PRKCQ: variants seen among roughly 807,000 people sequenced by gnomAD.
The protein encoded by PRKCQ is protein kinase C theta, also known as protein kinase C theta type.
Under a neutral mutation model 91.2 loss-of-function variants are expected in PRKCQ, and 41 were observed. That is an observed-to-expected ratio of 0.45 (90% CI 0.35 to 0.58). The LOEUF (loss-of-function observed/expected upper bound fraction) is 0.58, where lower values mean the gene tolerates loss of function less well. Among genes scored for constraint, PRKCQ ranks in the 20% least tolerant of loss-of-function variants. The pLI is 0.00. For synonymous variants in PRKCQ, 307 were observed against 316.9 expected, an observed-to-expected ratio of 0.97 and a Z score of 0.33; for missense variants, 673 against 896.5, an observed-to-expected ratio of 0.75 and a Z score of 3.18.
At chr10:6,407,519 GTCATGTGTATGGTGTGT>G in the PRKCQ span, among the ~76,000 whole-genome samples, 2 of 151,494 alleles carry the variant, frequency 1.3e-5, no homozygotes, top group Admixed American at 1.3e-4. This position sits in a 1 kb window ranked among gnomAD's most constrained non-coding sequence, Gnocchi z 4.0. Flanking sequence ...TGGTGTTTGT[GTCATGTGTATGGTGTGT>G]TCATGTGTGT....
At chr10:6,574,564 C>T (rs936463556) in intron 1 of PRKCQ, among the ~76,000 whole-genome samples, 5 of 152,194 alleles carry the variant, frequency 3.3e-5, no homozygotes, top group Non-Finnish European at 4.4e-5. Flanking sequence ...TCCTCCAGCT[C>T]CACCCAGCAA....
chr10:6,462,685 C>T (rs944956189), intron 13 of PRKCQ, among the ~76,000 whole-genome samples: 2 of 151,876 alleles, frequency 1.3e-5, no homozygotes, highest in African/African-American at 4.8e-5. Context: ...TTTGCTATTG[C>T]TAATAAAACA....
At chr10:6,456,550 T>A in intron 15 of PRKCQ, 124 bp downstream of exon 15, 21 of 1,319,288 alleles carry the variant, frequency 1.6e-5, no homozygotes, top group Non-Finnish European at 2.1e-5. Context: ...ATGAGATACT[T>A]AAGAAAACAG....
At chr10:6,495,295 G>A (rs1436511752) in intron 7 of PRKCQ, among the ~76,000 whole-genome samples, 1 of 152,142 alleles carries the variant, frequency 6.6e-6, no homozygotes, top group East Asian at 1.9e-4. Context: ...CATGACCCAG[G>A]CCTTGGTGCC....
intron 1 of PRKCQ, among the ~76,000 whole-genome samples, chr10:6,535,036 T>C (rs373544744): frequency 1.3e-5 from 2 of 152,162 alleles, no homozygotes; most frequent in Non-Finnish European, 2.9e-5. Context: ...GTTCCCATTA[T>C]AAAGAAGGGA....
intron 1 of PRKCQ, among the ~76,000 whole-genome samples, chr10:6,527,461 C>T (rs1313920884): frequency 1.1e-4 from 16 of 152,318 alleles, no homozygotes; most frequent in Admixed American, 9.1e-4. Context: ...TTTTCCCTCC[C>T]TGTGTTTTCA....
intron 1 of PRKCQ, among the ~76,000 whole-genome samples, chr10:6,537,885 C>T (rs545885093): frequency 5.1e-4 from 77 of 152,346 alleles, no homozygotes; most frequent in Admixed American, 1.3e-3. Context: ...TCCACAGCGC[C>T]CCCCTTCCCT....
At chr10:6,406,431 C>G in the PRKCQ span, among the ~76,000 whole-genome samples, 1 of 151,572 alleles carries the variant, frequency 6.6e-6, no homozygotes, top group South Asian at 2.1e-4. Context: ...TTGCTGAAGT[C>G]GCTCCCCAGT....
the PRKCQ span, among the ~76,000 whole-genome samples, chr10:6,412,099 C>T: frequency 1.3e-5 from 2 of 152,002 alleles, no homozygotes; most frequent in African/African-American, 4.8e-5. Context: ...CCTCTGTTGC[C>T]CAAGTTGGAG....
chr10:6,502,602 T>G (rs1236483139), intron 4 of PRKCQ, among the ~76,000 whole-genome samples: 3 of 152,160 alleles, frequency 2.0e-5, no homozygotes, highest in African/African-American at 7.2e-5. Flanking sequence ...CTTGATATGG[T>G]CAGATTTGAG....
At chr10:6,507,872 G>A (rs1838275236) in intron 3 of PRKCQ, among the ~76,000 whole-genome samples, 1 of 152,132 alleles carries the variant, frequency 6.6e-6, no homozygotes, top group Non-Finnish European at 1.5e-5. Context: ...GGCTTCCTTG[G>A]GGAAAAAGCT....
chr10:6,536,597 G>A (rs977443872), intron 1 of PRKCQ, among the ~76,000 whole-genome samples: 3 of 151,920 alleles, frequency 2.0e-5, no homozygotes, highest in African/African-American at 4.8e-5. Context: ...TTCTTCTTCC[G>A]CTCCCCTTCT....
chr10:6,468,681 A>C (rs1835810286), intron 12 of PRKCQ, among the ~76,000 whole-genome samples: 1 of 152,254 alleles, frequency 6.6e-6, no homozygotes, highest in Admixed American at 6.5e-5. Flanking sequence ...CAACGTAATA[A>C]ATTTTACACA....
At chr10:6,496,004 TCAGGAGTTTGAGAC>T (rs1277046816) in intron 7 of PRKCQ, among the ~76,000 whole-genome samples, 1 of 151,924 alleles carries the variant, frequency 6.6e-6, no homozygotes, top group African/African-American at 2.4e-5. Context: ...TCACCTGAGG[TCAGGAGTTTGAGAC>T]CAGCCTGGCC....
rs1296599323 is a variant in PRKCQ, at chr10:6,430,841, T to C, written c.1934A>G (p.Lys645Arg). The stretch of plus-strand genomic sequence containing the variant: ...CGGCCGGAACGGTGGGTCAATCTCC[T>C]TCCGTTCAAGTTCCTCCCAGTTGAT... ...REINWEELER[K>R]EIDPPFRPKV... Residue 645 changes from lysine to arginine, a missense_variant, in exon 17 of 18, where the codon AAG (lysine) becomes AGG (arginine). By Grantham distance (26) the Lys-to-Arg change is conservative (BLOSUM62 2). Coordinates refer to ENST00000263125, the MANE Select transcript of PRKCQ (RefSeq NM_006257.5). The surrounding 1 kb of genome is among the most constrained non-coding windows in gnomAD (Gnocchi z 4.7). 2.5e-6 allele frequency: 4 copies of C among 1,614,060 alleles called. No homozygotes were observed. The highest frequency in any genetic ancestry group is 1.7e-5 in the Admixed American group (1 of 60,012).
chr10:6,545,589 G>C (rs1839920453), intron 1 of PRKCQ, among the ~76,000 whole-genome samples: 1 of 152,306 alleles, frequency 6.6e-6, no homozygotes, highest in East Asian at 1.9e-4. Context: ...ACTTGGAAGG[G>C]GGGAAATGGG....
intron 2 of PRKCQ, among the ~76,000 whole-genome samples, chr10:6,511,867 C>G (rs992334921): frequency 2.0e-5 from 3 of 152,088 alleles, no homozygotes; most frequent in Admixed American, 6.5e-5. Flanking sequence ...TATAATCAGC[C>G]AAAAACAACT....
intron 3 of PRKCQ, 38 bp from the exon 4 acceptor site, chr10:6,507,534 G>T: frequency 6.4e-7 from 1 of 1,571,362 alleles, no homozygotes. Context: ...GTCAGAATGT[G>T]AAACAAGCCC....
chr10:6,456,507 T>C (rs1835014681), intron 15 of PRKCQ, among the ~76,000 whole-genome samples, 167 bp downstream of exon 15: 1 of 152,102 alleles, frequency 6.6e-6, no homozygotes, highest in Non-Finnish European at 1.5e-5. Flanking sequence ...CCCCACAAAA[T>C]AATAATAGAA....
Sources: gnomAD v4.1 joint callset for allele counts (sites outside exome capture counted in the v4.1 genomes callset) on GRCh38, gnomAD v4.1.1 for gene constraint, Gnocchi (gnomAD v3.1) non-coding constraint, MANE v1.5 for transcripts, NCBI Gene and HGNC (gene_info 2026-07-23, HGNC 2026-07-21) for gene names.